The following MUC22 variants were observed in gnomAD, a reference collection of about 807,000 sequenced individuals.
The protein encoded by MUC22 is mucin-22.
In MUC22, 24 loss-of-function variants were observed where a neutral mutation model predicts 40.3. That is an observed-to-expected ratio of 0.60 (90% confidence interval 0.43 to 0.84). The LOEUF (loss-of-function observed/expected upper bound fraction) is 0.84, where lower values mean the gene tolerates loss of function less well. MUC22 is among the 40% of genes least tolerant of loss of function. MUC22 has a pLI of 0.00. For synonymous variants in MUC22, 765 were observed against 844.5 expected (o/e 0.91, Z 1.63); for missense variants, 1,926 against 2,130.7 (o/e 0.90, Z 1.89).
At chr6:31,014,536 C>T (rs1455058187) in intron 1 of MUC22, among the ~76,000 whole-genome samples, 5 of 152,174 alleles carry the variant, frequency 3.3e-5, no homozygotes, top group Admixed American at 6.5e-5. Context: ...CTTGGAGCAT[C>T]ACTTTCTCTA....
rs1562624339 is a variant in MUC22, at chr6:31,032,152, C to T, written c.4670-44C>T. On this transcript the variant is annotated intron_variant, in intron 2 of 3. Transcript: ENST00000561890. This position sits in a 1 kb window ranked among gnomAD's most constrained non-coding sequence, Gnocchi z 4.1. ...CTAAGCACCCCCATTCCCCTTTAAT[C>T]ATCTCTGCTACAAATGCATCATCTT... The T allele has an allele frequency of 1.3e-6, 2 of 1,497,166 alleles. No individual in the cohort carries two copies. Among genetic ancestry groups the T allele is most frequent in the Admixed American group, 2.1e-5 (1 of 47,692 alleles). The allele number at this position is 1,497,166 out of a possible 1,614,324, so 92.7% of individuals were successfully genotyped here. A position where few individuals can be genotyped will look rare whatever the true frequency, so the allele number is the denominator to read the frequency against.
intron 1 of MUC22, among the ~76,000 whole-genome samples, chr6:31,016,950 G>C (rs1043638866): frequency 6.6e-6 from 1 of 152,358 alleles, no homozygotes; most frequent in African/African-American, 2.4e-5. Context: ...ACCCGGGCCA[G>C]CAGCTGCGGA....
At chr6:31,022,177 ACACT>A (rs1183738440) in intron 1 of MUC22, among the ~76,000 whole-genome samples, 2 of 152,162 alleles carry the variant, frequency 1.3e-5, no homozygotes, top group African/African-American at 4.8e-5. Flanking sequence ...AAGAGCTGTA[ACACT>A]CACTGTGAGG....
chr6:31,010,294 C>T (rs1264066860), upstream of MUC22, among the ~76,000 whole-genome samples: 1 of 152,068 alleles, frequency 6.6e-6, no homozygotes, highest in South Asian at 2.1e-4. Flanking sequence ...CTCATGTGTG[C>T]GCCCTCTGGT....
chr6:31,025,635 C>CT lies in MUC22; in HGVS notation c.205dup (p.Ser69PhefsTer6). ...CTACAGGCTCTAAGATCACCACAGA[C>CT]TCTACCACAGGCTCTGAGACAACCT... is the stretch of plus-strand genomic sequence containing the variant. On this transcript the variant is annotated frameshift_variant, in exon 2 of 4. Transcript: ENST00000561890. LOFTEE classifies it high-confidence loss of function. 1 of 1,526,180 alleles carries CT rather than the reference C, an allele frequency of 6.6e-7. No homozygotes were observed. The highest frequency in any genetic ancestry group is 8.8e-7 in the Non-Finnish European group (1 of 1,139,342). 94.5% of individuals were successfully genotyped at this position (1,526,180 alleles called of 1,614,324 possible). A position where few individuals can be genotyped will look rare whatever the true frequency, so the allele number is the denominator to read the frequency against.
At chr6:31,010,081 C>G (rs1763761103), upstream of MUC22, among the ~76,000 whole-genome samples, 1 of 152,182 alleles carries the variant, frequency 6.6e-6, no homozygotes, top group Non-Finnish European at 1.5e-5. Context: ...CCCCAGCTTC[C>G]CCTAGATAGA....
chr6:31,008,510 A>ATT (rs765296706), upstream of MUC22, among the ~76,000 whole-genome samples: 2 of 151,436 alleles, frequency 1.3e-5, no homozygotes, highest in Non-Finnish European at 2.9e-5. Context: ...ATGGCCAAGT[A>ATT]TTTACCCAAA....
intron 1 of MUC22, among the ~76,000 whole-genome samples, chr6:31,013,938 G>T (rs7755364): frequency 0.15 from 22,069 of 151,976 alleles, 1,769 homozygotes; most frequent in African/African-American, 0.19. Flanking sequence ...AAAGATTTAG[G>T]TTAGACCACT....
rs867095132 is a variant in MUC22, at chr6:31,026,859, G to T, written c.1428G>T (p.Thr476=). Residue 476 remains threonine (T), a synonymous_variant, in exon 2 of 4, where the codon ACG becomes ACT. Coordinates refer to ENST00000561890, the Ensembl canonical transcript of MUC22. ...CAGCCTCTACTGCACATTCTGAGAC[G>T]ACTGCAGCCTCCACCATGGGCTCTG... is the stretch of plus-strand genomic sequence containing the variant. 6.2e-6 allele frequency: 9 copies of T among 1,445,856 alleles called. No individual in the cohort carries two copies. In the Admixed American group the frequency reaches 2.0e-4, roughly 33 times the overall value. The allele number at this position is 1,445,856 out of a possible 1,614,324, so 89.6% of individuals were successfully genotyped here.
At chr6:31,026,188 A>C (rs892936432) in exon 2 of MUC22, 29 of 1,523,434 alleles carry the variant, frequency 1.9e-5, no homozygotes, top group Non-Finnish European at 2.5e-5. Context: ...GGCATCCAGC[A>C]TGAGCTCTGA....
chr6:31,023,194 A>T (rs1385852736), intron 1 of MUC22, among the ~76,000 whole-genome samples: 1 of 151,584 alleles, frequency 6.6e-6, no homozygotes, highest in African/African-American at 2.4e-5. Flanking sequence ...AAAATGGAGG[A>T]AAAGGTAAGA....
exon 2 of MUC22, chr6:31,027,902 A>G (rs1765580431): frequency 6.5e-7 from 1 of 1,534,948 alleles, no homozygotes; most frequent in Non-Finnish European, 8.7e-7. Context: ...ACAGGTGCTG[A>G]GACCACCACA....
At chr6:31,020,664 C>G (rs953083031) in intron 1 of MUC22, among the ~76,000 whole-genome samples, 9 of 152,116 alleles carry the variant, frequency 5.9e-5, no homozygotes, top group Non-Finnish European at 8.8e-5. Context: ...TGTGGGAGTC[C>G]CTTTCTGGGC....
upstream of MUC22, among the ~76,000 whole-genome samples, chr6:31,006,382 A>G (rs1488223365): frequency 1.3e-5 from 2 of 152,228 alleles, no homozygotes; most frequent in African/African-American, 2.4e-5. Context: ...AGACAAAACT[A>G]TAAAGGCAGT....
chr6:31,028,480 G>A, exon 2 of MUC22: 1 of 1,534,172 alleles, frequency 6.5e-7, no homozygotes. Flanking sequence ...GACCACCACA[G>A]CCTCTACTAC....
At chr6:31,031,121 G>A (rs1360145790) in intron 2 of MUC22, among the ~76,000 whole-genome samples, 1 of 152,154 alleles carries the variant, frequency 6.6e-6, no homozygotes, top group Admixed American at 6.5e-5. Flanking sequence ...CTATTCTCAT[G>A]ACTGGTGCTG....
chr6:31,009,507 A>G (rs893131331), upstream of MUC22, among the ~76,000 whole-genome samples: 14 of 152,182 alleles, frequency 9.2e-5, no homozygotes, highest in South Asian at 6.2e-4. Flanking sequence ...TTTGACTTTA[A>G]TCATCATCAG....
At chr6:31,027,673 G>A in exon 2 of MUC22, 8 of 1,531,610 alleles carry the variant, frequency 5.2e-6, no homozygotes, top group Non-Finnish European at 7.0e-6. Context: ...GACCACCACA[G>A]TCTTTACCAT....
rs1448025798 is a variant in MUC22, at chr6:31,011,654, T to C, written c.70+878T>C. On this transcript the variant is annotated intron_variant, in intron 1 of 3. Transcript: ENST00000561890. The surrounding 1 kb of genome is among the most constrained non-coding windows in gnomAD (Gnocchi z 4.5). Reference sequence around the variant, plus strand: ...AATTGTGCTGCTATAAACATGTGTGTGCAAGTGTCTTTTTTGTATAATGAC... The same window carrying C: ...AATTGTGCTGCTATAAACATGTGTGCGCAAGTGTCTTTTTTGTATAATGAC... 6.6e-6 allele frequency among the ~76,000 whole-genome samples: 1 copy of C among 152,238 alleles called. No homozygotes were observed. The highest frequency in any genetic ancestry group is 2.4e-5 in the African/African-American group (1 of 41,462).
Sources: gnomAD v4.1 joint callset for allele counts (sites outside exome capture counted in the v4.1 genomes callset) on GRCh38, gnomAD v4.1.1 for gene constraint, Gnocchi (gnomAD v3.1) non-coding constraint, MANE v1.5 for transcripts, NCBI Gene and HGNC (gene_info 2026-07-23, HGNC 2026-07-21) for gene names.